PSMG2: variants seen among roughly 807,000 people sequenced by gnomAD.
PSMG2 encodes the protein proteasome assembly chaperone 2.
Under a neutral mutation model 31.5 loss-of-function variants are expected in PSMG2, and 21 were observed. The observed-to-expected ratio is 0.67, with a 90% CI of 0.47 to 0.96. The LOEUF (loss-of-function observed/expected upper bound fraction) is 0.96. Ranked by LOEUF, PSMG2 falls within the 40% of genes least tolerant of loss-of-function variation. The pLI is 0.00. For synonymous variants in PSMG2, 120 were observed against 110.4 expected (o/e 1.09, Z -0.54); for missense variants, 318 against 321.2 (o/e 0.99, Z 0.08).
intron 3 of PSMG2, among the ~76,000 whole-genome samples, chr18:12,713,123 C>T (rs988121127): frequency 1.3e-5 from 2 of 152,088 alleles, no homozygotes; most frequent in Admixed American, 1.3e-4. Flanking sequence ...ATTCTGAATC[C>T]GACTTCTTTC....
intron 1 of PSMG2, among the ~76,000 whole-genome samples, chr18:12,670,155 C>T (rs2038907159): frequency 6.6e-6 from 1 of 151,842 alleles, no homozygotes; most frequent in Admixed American, 6.6e-5. Context: ...CAAGGTGAAA[C>T]CCCTCTCTAA....
intron 1 of PSMG2, chr18:12,691,440 A>AAGAAATAAT (rs1469562891): frequency 1.2e-6 from 2 of 1,609,082 alleles, no homozygotes; most frequent in Non-Finnish European, 1.7e-6. Context: ...TAGCATATAC[A>AAGAAATAAT]AGAAATAATC....
Position 12,725,704 on chromosome 18 carries a change from G to C in PSMG2, c.*173G>C. Reference sequence around the variant, plus strand: ...ATGCTTTTCATCATATGCACCAAATGTAAATTTTGTACAATAAAATTTTAT... The same window carrying C: ...ATGCTTTTCATCATATGCACCAAATCTAAATTTTGTACAATAAAATTTTAT... On this transcript the variant is annotated 3_prime_UTR_variant, in exon 7 of 7. Coordinates refer to ENST00000317615, the MANE Select transcript of PSMG2 (RefSeq NM_020232.5). The C allele has an allele frequency of 2.3e-6, 1 of 436,550 alleles. No homozygotes were observed. Among genetic ancestry groups the C allele is most frequent in the Non-Finnish European group, 4.0e-6 (1 of 249,812 alleles). The allele number at this position is 436,550 out of a possible 1,614,324, so 27.0% of individuals were successfully genotyped here.
rs764483521 is a variant in PSMG2, at chr18:12,720,688, G to C, written c.581+5G>C. The C allele has an allele frequency of 5.0e-6, 8 of 1,604,220 alleles. No individual in the cohort carries two copies. Among genetic ancestry groups the C allele is most frequent in the Non-Finnish European group, 5.9e-6 (7 of 1,176,636 alleles). On this transcript the variant is annotated splice_donor_5th_base_variant and intron_variant, in intron 5 of 6. Coordinates refer to ENST00000317615, the MANE Select transcript of PSMG2 (RefSeq NM_020232.5). ...AAAAACACTCTATGATGAAAGGTGA[G>C]TTTGTTTGCCTGTTCATTTGTTTCC...
At position 12,711,397 on chromosome 18, in the gene PSMG2, C is replaced by T. The variant is rs76935281; in HGVS notation, c.230-1305C>T. On this transcript the variant is annotated intron_variant, in intron 2 of 6. Transcript: ENST00000317615. ...AGATACATTCTTTTCAAACCTAGGT[C>T]AGTTGAATTGGACTACATGTGTTTG... 5.0e-3 allele frequency among the ~76,000 whole-genome samples: 758 copies of T among 152,276 alleles called. 5 individuals carry two copies. Among genetic ancestry groups the T allele is most frequent in the Non-Finnish European group, 7.7e-3 (525 of 68,022 alleles).
At chr18:12,671,550 G>A (rs1338790278) in intron 1 of PSMG2, among the ~76,000 whole-genome samples, 1 of 150,418 alleles carries the variant, frequency 6.6e-6, no homozygotes, top group Middle Eastern at 3.2e-3. Context: ...AAGTTGAATT[G>A]CTACTCTTTT....
upstream of PSMG2, chr18:12,699,179 T>C: frequency 6.2e-7 from 1 of 1,613,562 alleles, no homozygotes; most frequent in Non-Finnish European, 8.5e-7. Flanking sequence ...AAGGTAAAGA[T>C]ACCTCCGTGT....
intron 1 of PSMG2, chr18:12,685,360 G>C (rs781635180): frequency 3.3e-5 from 5 of 152,140 alleles, no homozygotes; most frequent in African/African-American, 1.2e-4. Context: ...AGTAGTACCA[G>C]AAAGCCATGG....
chr18:12,662,586 G>A (rs1383347197), intron 1 of PSMG2, among the ~76,000 whole-genome samples: 2 of 152,078 alleles, frequency 1.3e-5, no homozygotes, highest in African/African-American at 4.8e-5. Context: ...GACCAGCCTG[G>A]GCAATGTGAT....
intron 1 of PSMG2, among the ~76,000 whole-genome samples, chr18:12,672,071 G>A (rs1160983292): frequency 6.6e-6 from 1 of 150,862 alleles, no homozygotes; most frequent in African/African-American, 2.4e-5. Context: ...ACCCACATCA[G>A]CCTCCCAAAG....
upstream of PSMG2, chr18:12,699,684 A>C: frequency 1.9e-6 from 1 of 534,192 alleles, no homozygotes; most frequent in East Asian, 3.2e-5. Flanking sequence ...ACTTCATGCA[A>C]AACAATCTGT....
chr18:12,672,146 G>C (rs900367469), intron 1 of PSMG2, among the ~76,000 whole-genome samples: 8 of 138,880 alleles, frequency 5.8e-5, no homozygotes, highest in African/African-American at 2.2e-4. Flanking sequence ...ATGCAGTCTC[G>C]CTCTGCCTCC....
At chr18:12,674,537 G>A (rs760020378) in intron 1 of PSMG2, 13 of 1,608,978 alleles carry the variant, frequency 8.1e-6, no homozygotes, top group South Asian at 5.5e-5. Context: ...ACACCTTACC[G>A]AAGACATGTG....
chr18:12,694,864 C>A (rs2039893720), intron 1 of PSMG2, among the ~76,000 whole-genome samples: 1 of 151,912 alleles, frequency 6.6e-6, no homozygotes, highest in Admixed American at 6.6e-5. Context: ...GTGCCTGCCA[C>A]CACGCCCGGC....
At chr18:12,724,470 A>C (rs991846323) in intron 5 of PSMG2, 29 bp from the exon 6 acceptor site, 32 of 1,574,004 alleles carry the variant, frequency 2.0e-5, no homozygotes, top group Non-Finnish European at 2.1e-5. Context: ...CTATGAAAGA[A>C]TACTGATTCT....
rs376355730 is a variant in PSMG2, at chr18:12,692,905, C to G, written c.-36-13645C>G. 5.9e-5 allele frequency among the ~76,000 whole-genome samples: 9 copies of G among 152,316 alleles called. No homozygotes were observed. In the East Asian group the frequency reaches 1.7e-3, roughly 29 times the overall value. ...CTGCATGATCATGGCTCACTGTAGC[C>G]TCGAATTCCTGGGCTTAAGCGATCC... On this transcript the variant is annotated intron_variant, in intron 1 of 6. Transcript: ENST00000585331.
intron 1 of PSMG2, chr18:12,679,001 T>C (rs945378257): frequency 6.6e-6 from 1 of 152,084 alleles, no homozygotes; most frequent in African/African-American, 2.4e-5. Context: ...AATAATTTGG[T>C]TATGCATTTT....
chr18:12,716,596 G>A (rs1002464583), intron 3 of PSMG2, among the ~76,000 whole-genome samples: 56 of 151,686 alleles, frequency 3.7e-4, no homozygotes, highest in Non-Finnish European at 1.3e-4. Flanking sequence ...GGGTTTCACC[G>A]TGTTAGCCAG....
intron 2 of PSMG2, among the ~76,000 whole-genome samples, chr18:12,707,865 T>C (rs946840818): frequency 6.6e-6 from 1 of 152,214 alleles, no homozygotes; most frequent in Non-Finnish European, 1.5e-5. Flanking sequence ...TAGCTTGCGA[T>C]AGTGAAATGT....
Sources: gnomAD v4.1 joint callset for allele counts (sites outside exome capture counted in the v4.1 genomes callset) on GRCh38, gnomAD v4.1.1 for gene constraint, MANE v1.5 for transcripts, NCBI Gene and HGNC (gene_info 2026-07-23, HGNC 2026-07-21) for gene names.